Variants in NUP210 observed in about 807,000 individuals in gnomAD.
The protein encoded by NUP210 is nucleoporin 210.
NUP210 carries 151 observed loss-of-function variants against 196.0 expected under a neutral mutation model. The ratio of observed to expected loss-of-function variants is 0.77; its 90% CI spans 0.67 to 0.88. NUP210 has a LOEUF of 0.88. Ranked by LOEUF, NUP210 falls within the 40% of genes least tolerant of loss-of-function variation. The pLI is 0.00. For missense variants in NUP210, 2,314 were observed against 2,493.7 expected (o/e 0.93, Z 1.53); for synonymous variants, 1,070 against 1,052.7 (o/e 1.02, Z -0.32).
chr3:13,379,489 A>T lies in NUP210; in HGVS notation c.976+74T>A. 2 of 1,584,238 alleles carry T rather than the reference A, an allele frequency of 1.3e-6. No individual in the cohort carries two copies. The highest frequency in any genetic ancestry group is 1.7e-6 in the Non-Finnish European group (2 of 1,157,870). ...CTATTTTTAGCCCTGCCGAGCTTTC[A>T]GGGAAAAAAAGACTTGACTTCCAAA... On this transcript the variant is annotated intron_variant, in intron 7 of 39. Transcript: ENST00000254508. This position sits in a 1 kb window ranked among gnomAD's most constrained non-coding sequence, Gnocchi z 4.2.
intron 28 of NUP210, among the ~76,000 whole-genome samples, 176 bp downstream of exon 28, chr3:13,335,278 T>C (rs1334862092): frequency 2.0e-5 from 3 of 152,146 alleles, no homozygotes; most frequent in Non-Finnish European, 4.4e-5. Context: ...TGGGCTCCCA[T>C]AGCACCAATC....
chr3:13,329,735 T>A (rs13089086), intron 30 of NUP210, among the ~76,000 whole-genome samples: 40,578 of 152,074 alleles, frequency 0.27, 5,964 homozygotes, highest in Middle Eastern at 0.34. Context: ...CAGCAAGTGG[T>A]GATGATGAGA....
intron 39 of NUP210, among the ~76,000 whole-genome samples, chr3:13,318,350 G>A (rs528346030): frequency 3.3e-4 from 50 of 152,178 alleles, no homozygotes; most frequent in Non-Finnish European, 5.6e-4. Flanking sequence ...TCAGGCAGAA[G>A]ACAAGGGCGT....
intron 28 of NUP210, among the ~76,000 whole-genome samples, chr3:13,334,770 T>G (rs976427239): frequency 6.6e-6 from 1 of 152,152 alleles, no homozygotes; most frequent in Admixed American, 6.5e-5. Context: ...CCACAGCCCA[T>G]CCTATAAGTA....
intron 34 of NUP210, 48 bp from the exon 35 acceptor site, chr3:13,322,387 C>T (rs1432228013): frequency 2.5e-6 from 4 of 1,603,356 alleles, no homozygotes; most frequent in East Asian, 2.2e-5. Flanking sequence ...CGATGGCCAC[C>T]ACACCAAATT....
chr3:13,395,918 C>T (rs1283472476), intron 3 of NUP210, among the ~76,000 whole-genome samples: 3 of 152,134 alleles, frequency 2.0e-5, no homozygotes, highest in Non-Finnish European at 4.4e-5. Context: ...AGAGAAACAC[C>T]CCCTGGCTTA....
intron 20 of NUP210, among the ~76,000 whole-genome samples, chr3:13,344,678 G>A (rs965175320): frequency 2.0e-5 from 3 of 152,192 alleles, no homozygotes; most frequent in Non-Finnish European, 4.4e-5. Flanking sequence ...ACCACGCCCT[G>A]TAAAGCCTGG....
In NUP210 at chr3:13,348,620, T is replaced by C. The variant is rs1239085357; in HGVS notation, c.2835+3259A>G. The stretch of plus-strand genomic sequence containing the variant: ...GGAAGAGCTGGGGAATTGTTCTTTC[T>C]TCTATGAGGGGATAAGAATGCTTAG... On this transcript the variant is annotated intron_variant, in intron 20 of 39. Coordinates refer to ENST00000254508, the MANE Select transcript of NUP210 (RefSeq NM_024923.4). This position sits in a 1 kb window ranked among gnomAD's most constrained non-coding sequence, Gnocchi z 4.0. 2 of 985,348 alleles carry C rather than the reference T, an allele frequency of 2.0e-6. No homozygotes were observed. Among genetic ancestry groups the C allele is most frequent in the East Asian group, 1.1e-4 (1 of 8,832 alleles). The allele number at this position is 985,348 out of a possible 1,614,324, so 61.0% of individuals were successfully genotyped here.
At chr3:13,349,730 G>A (rs1191803039) in intron 20 of NUP210, among the ~76,000 whole-genome samples, 3 of 152,210 alleles carry the variant, frequency 2.0e-5, no homozygotes, top group Admixed American at 6.5e-5. Context: ...GACTTCATGC[G>A]CAACAGAGCT....
chr3:13,371,945 T>G lies in NUP210; in HGVS notation c.1675A>C (p.Ile559Leu). The G allele has an allele frequency of 3.1e-6, 5 of 1,606,016 alleles. No homozygotes were observed. The highest frequency in any genetic ancestry group is 3.4e-6 in the Non-Finnish European group (4 of 1,176,488). Residue 559 changes from isoleucine to leucine, a missense_variant, in exon 13 of 40, where the codon ATC becomes CTC. Physicochemically the swap from Ile to Leu is conservative, Grantham distance 5. Coordinates refer to ENST00000254508, the MANE Select transcript of NUP210 (RefSeq NM_024923.4). ...GCCCCGCCGGGCATGAGGCCACTGA[T>G]CCTCAGGGGCAGCTCCAGGGCCTGG... ...VGQALELPLR[I>L]SGLMPGGASE...
chr3:13,406,878 T>C (rs997564882), intron 1 of NUP210, among the ~76,000 whole-genome samples: 5 of 128,466 alleles, frequency 3.9e-5, no homozygotes, highest in Non-Finnish European at 8.0e-5. Flanking sequence ...GCAGGTTTCA[T>C]AGTCGGGAGT....
intron 20 of NUP210, 39 bp from the exon 21 acceptor site, chr3:13,343,342 G>GGGGGGGGGGGGGGGC: frequency 4.7e-5 from 31 of 655,948 alleles, no homozygotes; most frequent in East Asian, 8.9e-5. Flanking sequence ...TGGGTGGTGG[G>GGGGGGGGGGGGGGGC]TTACGCAGCT....
chr3:13,373,615 A>G, intron 12 of NUP210, 103 bp downstream of exon 12: 1 of 1,224,986 alleles, frequency 8.2e-7, no homozygotes, highest in Non-Finnish European at 1.2e-6. Flanking sequence ...TACAGGACCC[A>G]AGGTTGGGGG....
At chr3:13,376,248 G>T (rs368485957) in intron 10 of NUP210, 43 bp downstream of exon 10, 154 of 1,607,018 alleles carry the variant, frequency 9.6e-5, no homozygotes, top group Non-Finnish European at 1.3e-4. Flanking sequence ...ACAGAGGGTG[G>T]CTTCATAGGA....
chr3:13,359,395 C>A (rs975797769), intron 15 of NUP210, among the ~76,000 whole-genome samples: 1 of 152,010 alleles, frequency 6.6e-6, no homozygotes, highest in Admixed American at 6.5e-5. Flanking sequence ...TATTGTTTTT[C>A]TAAAACCACC....
chr3:13,323,269 C>T lies in NUP210; in HGVS notation c.4768+40G>A, dbSNP rs751727214. 7 of 1,612,468 alleles carry T rather than the reference C, an allele frequency of 4.3e-6. No homozygotes were observed. Among genetic ancestry groups the T allele is most frequent in the Non-Finnish European group, 5.9e-6 (7 of 1,179,016 alleles). On this transcript the variant is annotated intron_variant, in intron 34 of 39. Coordinates refer to ENST00000254508, the MANE Select transcript of NUP210 (RefSeq NM_024923.4). The surrounding 1 kb of genome is among the most constrained non-coding windows in gnomAD (Gnocchi z 4.3). ...GACACAGGAAGCCACCTCCCCGCTCCCAGGTACTCTGAAGACAGCCCAAGC... is the reference window on the plus strand; with the variant it reads ...GACACAGGAAGCCACCTCCCCGCTCTCAGGTACTCTGAAGACAGCCCAAGC...
At chr3:13,352,027 G>A (rs373753984) in intron 19 of NUP210, 47 bp from the exon 20 acceptor site, 43 of 1,598,858 alleles carry the variant, frequency 2.7e-5, no homozygotes, top group Non-Finnish European at 3.4e-5. Flanking sequence ...GTGGGAGGGC[G>A]AGGAGTCCCC....
intron 8 of NUP210, 113 bp from the exon 9 acceptor site, chr3:13,377,675 A>C: frequency 2.8e-6 from 2 of 718,976 alleles, no homozygotes; most frequent in South Asian, 1.7e-5. Flanking sequence ...GAGAAGCCCC[A>C]CTCCACCCAC....
chr3:13,386,506 G>A (rs1167544226), intron 5 of NUP210, 99 bp from the exon 6 acceptor site: 1 of 1,419,466 alleles, frequency 7.0e-7, no homozygotes, highest in African/African-American at 1.4e-5. Context: ...ATGGGAATAG[G>A]GAAGTTAAGA....
Sources: gnomAD v4.1 joint callset for allele counts (sites outside exome capture counted in the v4.1 genomes callset) on GRCh38, gnomAD v4.1.1 for gene constraint, Gnocchi (gnomAD v3.1) non-coding constraint, MANE v1.5 for transcripts, NCBI Gene and HGNC (gene_info 2026-07-23, HGNC 2026-07-21) for gene names.